The following INPP5A variants were observed in gnomAD, a reference collection of about 807,000 sequenced individuals.
The protein encoded by INPP5A is inositol polyphosphate-5-phosphatase A.
INPP5A carries 14 observed loss-of-function variants against 65.2 expected under a neutral mutation model. The observed-to-expected ratio is 0.21, with a 90% CI of 0.14 to 0.34. INPP5A has a LOEUF of 0.34. Ranked by LOEUF, INPP5A falls within the 10% of genes least tolerant of loss-of-function variation. INPP5A has a pLI of 1.00. For synonymous variants in INPP5A, 207 were observed against 208.3 expected (o/e 0.99, Z 0.05); for missense variants, 431 against 545.6 (o/e 0.79, Z 2.09).
In INPP5A at chr10:132,749,551, G is replaced by A. The variant is rs767053025; in HGVS notation, c.767G>A (p.Arg256Gln). 25 of 1,612,886 alleles carry A rather than the reference G, an allele frequency of 1.6e-5. No individual in the cohort carries two copies. The highest frequency in any genetic ancestry group is 2.2e-5 in the East Asian group (1 of 44,902). The change falls in exon 10 of 16, where the codon CGG becomes CAG. Residue 256 changes from arginine to glutamine, a missense_variant. Transcript: ENST00000368594. ...ACAAAAGCCACCATGCAGACGGTCC[G>A]GGCCGCCGACACCAATGAAGTGGTG... ...LCTKATMQTVRAADTNEVVKL... is the reference protein window; with the variant it reads ...LCTKATMQTVQAADTNEVVKL...
At chr10:132,745,359 C>T (rs1219916263) in intron 9 of INPP5A, among the ~76,000 whole-genome samples, 1 of 152,196 alleles carries the variant, frequency 6.6e-6, no homozygotes, top group African/African-American at 2.4e-5. Flanking sequence ...CCTTGTCTGC[C>T]TGGGAGTGTG....
At chr10:132,743,358 G>A (rs1198394606) in intron 9 of INPP5A, among the ~76,000 whole-genome samples, 11 of 119,204 alleles carry the variant, frequency 9.2e-5, no homozygotes, top group African/African-American at 3.5e-4. Flanking sequence ...GAGTGAGGGC[G>A]AGCCCACCCA....
chr10:132,547,432 A>G lies in INPP5A; in HGVS notation c.75+9261A>G, dbSNP rs1373036794. Among the ~76,000 whole-genome samples, 1 of 152,070 alleles carries G rather than the reference A, an allele frequency of 6.6e-6. No homozygotes were observed. Among genetic ancestry groups the G allele is most frequent in the Non-Finnish European group, 1.5e-5 (1 of 68,000 alleles). On this transcript the variant is annotated intron_variant, in intron 1 of 15. Transcript: ENST00000368594. The surrounding 1 kb of genome is among the most constrained non-coding windows in gnomAD (Gnocchi z 5.5). ...CCGGGGCGCGTGGCCCAGGCTGAGCAGTGCACTCGGCTGCCTAGGTGGTGT... is the reference window on the plus strand; with the variant it reads ...CCGGGGCGCGTGGCCCAGGCTGAGCGGTGCACTCGGCTGCCTAGGTGGTGT...
In INPP5A at chr10:132,652,723, G is replaced by A. The variant is rs1159198470; in HGVS notation, c.306+2218G>A. On this transcript the variant is annotated intron_variant, in intron 4 of 15. Transcript: ENST00000368594. ...ACAGGTATTTTAAAAGTGAAGGGAC[G>A]GAGGAGGATGTACCTTGTAAAACAG... 3.9e-5 allele frequency among the ~76,000 whole-genome samples: 6 copies of A among 152,334 alleles called. No individual in the cohort carries two copies. In the South Asian group the frequency reaches 1.0e-3, roughly 26 times the overall value.
Position 132,710,468 on chromosome 10 carries a change from C to T in INPP5A, c.647+12C>T, listed in dbSNP as rs139481250. 17,777 of 1,611,542 alleles carry T rather than the reference C, an allele frequency of 0.011. 183 individuals carry two copies. Among genetic ancestry groups the T allele is most frequent in the South Asian group, 0.036 (3,269 of 90,842 alleles). On this transcript the variant is annotated intron_variant, in intron 8 of 15. Transcript: ENST00000368594. Reference sequence around the variant, plus strand: ...TACGTGCTGGACAGGTAGGTGTGGGCGGGCAGGTAGGCGTGGGCCGGGCAA... The same window carrying T: ...TACGTGCTGGACAGGTAGGTGTGGGTGGGCAGGTAGGCGTGGGCCGGGCAA...
chr10:132,559,712 C>T (rs948907008), intron 1 of INPP5A, among the ~76,000 whole-genome samples: 19 of 148,506 alleles, frequency 1.3e-4, no homozygotes, highest in African/African-American at 3.9e-4. Context: ...TTACTCAGCA[C>T]GTGTGTTCCA....
At chr10:132,608,334 C>T (rs1434719302) in intron 2 of INPP5A, among the ~76,000 whole-genome samples, 35 of 152,246 alleles carry the variant, frequency 2.3e-4, no homozygotes, top group Admixed American at 2.3e-3. Flanking sequence ...CCGGTCCGTG[C>T]AGCGCACTCT....
At position 132,780,923 on chromosome 10, in the gene INPP5A, A is replaced by G. The variant is rs1565017107; in HGVS notation, c.1158+6A>G. The stretch of plus-strand genomic sequence containing the variant: ...TCTGCATGGGAGACCACAAGGTGAC[A>G]TAGACTGAGGTCCAGGGGCCAGGCT... On this transcript the variant is annotated splice_donor_region_variant and intron_variant, in intron 14 of 15. Transcript: ENST00000368594. 4.2e-6 allele frequency: 6 copies of G among 1,445,076 alleles called. No individual in the cohort carries two copies. Among genetic ancestry groups the G allele is most frequent in the Non-Finnish European group, 4.7e-6 (5 of 1,071,048 alleles). 89.5% of individuals were successfully genotyped at this position (1,445,076 alleles called of 1,614,324 possible).
intron 7 of INPP5A, among the ~76,000 whole-genome samples, chr10:132,709,084 C>A (rs1410423144): frequency 6.6e-6 from 1 of 151,466 alleles, no homozygotes; most frequent in East Asian, 1.9e-4. Context: ...GTCTCAGGAC[C>A]CAGGAGTGGC....
chr10:132,645,330 T>A (rs2072478593), intron 2 of INPP5A, among the ~76,000 whole-genome samples: 1 of 152,246 alleles, frequency 6.6e-6, no homozygotes, highest in Admixed American at 6.5e-5. Context: ...CCTCCCAGGC[T>A]GTGAGCAGGC....
At chr10:132,606,494 G>A (rs1159390588) in intron 1 of INPP5A, among the ~76,000 whole-genome samples, 1 of 152,266 alleles carries the variant, frequency 6.6e-6, no homozygotes, top group Non-Finnish European at 1.5e-5. Flanking sequence ...TGCTGGGGTT[G>A]TGTGTCCTTG....
rs919477200 is a variant in INPP5A at position 132,650,876 on chromosome 10, C to T, written c.306+371C>T. 5.9e-5 allele frequency among the ~76,000 whole-genome samples: 9 copies of T among 152,130 alleles called. No homozygotes were observed. The highest frequency in any genetic ancestry group is 1.0e-4 in the Non-Finnish European group (7 of 68,022). On this transcript the variant is annotated intron_variant, in intron 4 of 15. Transcript: ENST00000368594. This position sits in a 1 kb window ranked among gnomAD's most constrained non-coding sequence, Gnocchi z 5.5. ...CAGCCGGTATTGCTTCAAGAGCCAC[C>T]GTCGCCAGCCCTGCTCCCATGCTGG... is the stretch of plus-strand genomic sequence containing the variant.
Position 132,603,354 on chromosome 10 carries a change from T to C in INPP5A, c.76-4561T>C, listed in dbSNP as rs972225894. Reference sequence around the variant, plus strand: ...TCCCTTCCCTTCAGAATATGCACTATAGAAAATTACAGATCACTCCAGCTC... The same window carrying C: ...TCCCTTCCCTTCAGAATATGCACTACAGAAAATTACAGATCACTCCAGCTC... On this transcript the variant is annotated intron_variant, in intron 1 of 15. Transcript: ENST00000368594. This position sits in a 1 kb window ranked among gnomAD's most constrained non-coding sequence, Gnocchi z 4.2. 6.6e-6 allele frequency among the ~76,000 whole-genome samples: 1 copy of C among 152,196 alleles called. No individual in the cohort carries two copies. The highest frequency in any genetic ancestry group is 1.5e-5 in the Non-Finnish European group (1 of 68,046).
intron 2 of INPP5A, among the ~76,000 whole-genome samples, chr10:132,610,892 C>T (rs1330804658): frequency 2.0e-5 from 3 of 152,130 alleles, no homozygotes; most frequent in Admixed American, 6.5e-5. Flanking sequence ...GAGGCCTGAA[C>T]AGGAAAAAAC....
In INPP5A at chr10:132,741,773, G is replaced by A. The variant is rs200388414; in HGVS notation, c.733-7744G>A. ...GACGTAAACTGAGGTGGACGTCAGT[G>A]TCCGCGTCCGCTTGCTTTACTCAAT... On this transcript the variant is annotated intron_variant, in intron 9 of 15. Coordinates refer to ENST00000368594, the MANE Select transcript of INPP5A (RefSeq NM_005539.5). The surrounding 1 kb of genome is among the most constrained non-coding windows in gnomAD (Gnocchi z 4.4). Among the ~76,000 whole-genome samples the A allele has an allele frequency of 1.4e-3, 41 of 29,412 alleles. 3 individuals are homozygous for A. Among genetic ancestry groups the A allele is most frequent in the South Asian group, 6.2e-3 (4 of 642 alleles). The allele number at this position is 29,412 out of a possible 152,430, so 19.3% of individuals were successfully genotyped here.
chr10:132,601,072 C>A (rs2485639), intron 1 of INPP5A, among the ~76,000 whole-genome samples: 1 of 152,064 alleles, frequency 6.6e-6, no homozygotes, highest in Non-Finnish European at 1.5e-5. Flanking sequence ...TTCTTCATAG[C>A]GATGGCACCA....
At chr10:132,729,967 G>A (rs1164856232) in intron 9 of INPP5A, among the ~76,000 whole-genome samples, 3 of 152,230 alleles carry the variant, frequency 2.0e-5, no homozygotes, top group African/African-American at 7.2e-5. Flanking sequence ...TCCAGGGCGA[G>A]TGAGCACCTG....
chr10:132,592,404 A>ATGTTTGTT (rs55925235), intron 1 of INPP5A, among the ~76,000 whole-genome samples: 38 of 151,788 alleles, frequency 2.5e-4, no homozygotes, highest in Non-Finnish European at 4.6e-4. Context: ...TGGGGCAAAA[A>ATGTTTGTT]TGTTTGTTTG....
intron 8 of INPP5A, among the ~76,000 whole-genome samples, chr10:132,712,424 TGTGTGCACGC>T (rs1428523742): frequency 4.4e-5 from 5 of 114,582 alleles, no homozygotes. Flanking sequence ...CATACATATG[TGTGTGCACGC>T]GTGTGTGGGT....
Sources: gnomAD v4.1 joint callset for allele counts (sites outside exome capture counted in the v4.1 genomes callset) on GRCh38, gnomAD v4.1.1 for gene constraint, Gnocchi (gnomAD v3.1) non-coding constraint, MANE v1.5 for transcripts, NCBI Gene and HGNC (gene_info 2026-07-23, HGNC 2026-07-21) for gene names.